Variants in RINT1 observed in about 807,000 individuals in gnomAD.
RINT1 encodes the protein RAD50 interactor 1.
Under a neutral mutation model 97.7 loss-of-function variants are expected in RINT1, and 75 were observed. The observed-to-expected ratio is 0.77, with a 90% CI of 0.64 to 0.93. The LOEUF (loss-of-function observed/expected upper bound fraction) is 0.93, where lower values mean the gene tolerates loss of function less well. RINT1 is among the 40% of genes least tolerant of loss of function. The probability of loss-of-function intolerance (pLI) is 0.00; values close to 1 mark genes in which losing one functional copy is unlikely to be tolerated. For synonymous variants in RINT1, 303 were observed against 326.3 expected (o/e 0.93, Z 0.77); for missense variants, 892 against 925.2 (o/e 0.96, Z 0.47).
At chr7:105,550,951 C>T (rs1009402662) in intron 9 of RINT1, among the ~76,000 whole-genome samples, 1 of 152,148 alleles carries the variant, frequency 6.6e-6, no homozygotes, top group Non-Finnish European at 1.5e-5. Context: ...GACAGGGTTA[C>T]AACATGTTGG....
intron 6 of RINT1, among the ~76,000 whole-genome samples, chr7:105,547,651 ATACTTGAATTTT>A (rs1431996062): frequency 6.6e-6 from 1 of 151,500 alleles, no homozygotes; most frequent in Non-Finnish European, 1.5e-5. Flanking sequence ...TAATCAAATG[ATACTTGAATTTT>A]TTTTGTTACT....
rs558738968 is a variant in RINT1, at chr7:105,555,346, G to T, written c.1671+119G>T. On this transcript the variant is annotated intron_variant, in intron 11 of 14. Transcript: ENST00000257700. The stretch of plus-strand genomic sequence containing the variant: ...TAAACATGCTAGACAGAACCATAGT[G>T]CCATAATTAAAAGGTGTAATTAAAA... 2.9e-5 allele frequency: 21 copies of T among 733,558 alleles called. No homozygotes were observed. In the Admixed American group the frequency reaches 3.7e-4, roughly 13 times the overall value. The allele number at this position is 733,558 out of a possible 1,614,324, so 45.4% of individuals were successfully genotyped here. A position where few individuals can be genotyped will look rare whatever the true frequency, so the allele number is the denominator to read the frequency against.
At chr7:105,560,146 T>C (rs1586259449) in intron 11 of RINT1, among the ~76,000 whole-genome samples, 1 of 152,164 alleles carries the variant, frequency 6.6e-6, no homozygotes, top group South Asian at 2.1e-4. Context: ...TGGCCACAGG[T>C]GGTTCCAGGC....
chr7:105,560,070 G>A (rs1460364561), intron 11 of RINT1, among the ~76,000 whole-genome samples: 1 of 152,188 alleles, frequency 6.6e-6, no homozygotes, highest in East Asian at 1.9e-4. Context: ...CTTTCTAAAA[G>A]GATTAGGCAT....
At chr7:105,548,022 T>C (rs1049450873) in intron 6 of RINT1, among the ~76,000 whole-genome samples, 3 of 151,774 alleles carry the variant, frequency 2.0e-5, no homozygotes, top group African/African-American at 7.3e-5. Context: ...CCACTGCACC[T>C]GGCTCATTTT....
At chr7:105,539,848 A>G (rs1386644252) in intron 3 of RINT1, among the ~76,000 whole-genome samples, 3 of 152,284 alleles carry the variant, frequency 2.0e-5, no homozygotes, top group African/African-American at 7.2e-5. Context: ...CATTAATCCC[A>G]CTGTTGAAAT....
intron 11 of RINT1, among the ~76,000 whole-genome samples, chr7:105,559,366 C>A (rs1230230657): frequency 6.6e-6 from 1 of 151,896 alleles, no homozygotes; most frequent in East Asian, 1.9e-4. Context: ...GATGGTGAAA[C>A]CCCATCTCTA....
At position 105,565,304 on chromosome 7, in the gene RINT1, G is replaced by C. The variant is rs1791659155; in HGVS notation, c.1914G>C (p.Glu638Asp). 2 of 1,612,268 alleles carry C rather than the reference G, an allele frequency of 1.2e-6. No individual in the cohort carries two copies. The highest frequency in any genetic ancestry group is 2.7e-5 in the African/African-American group (2 of 74,912). ...GGTTGTCCTTGCCATCTCAGTCAGA[G>C]CAGGCAGTGATGTCCCTGTCCAGTT... ...ERWLSLPSQSEQAVMSLSSSA... is the reference protein window; with the variant it reads ...ERWLSLPSQSDQAVMSLSSSA... Residue 638 changes from glutamate (E) to aspartate (D), a missense_variant, in exon 13 of 15, where the codon GAG becomes GAC. Glu to Asp is a conservative substitution (Grantham distance 45). Transcript: ENST00000257700.
intron 7 of RINT1, among the ~76,000 whole-genome samples, 188 bp from the exon 8 acceptor site, chr7:105,549,867 A>G (rs1307739607): frequency 6.6e-6 from 1 of 152,206 alleles, no homozygotes; most frequent in African/African-American, 2.4e-5. Context: ...TTGGGAGTAC[A>G]TTAGCAAACA....
chr7:105,548,699 G>T lies in RINT1; in HGVS notation c.985G>T (p.Val329Leu). ...YHFRGNRQTNVLSKPEWYLAQ... is the reference protein window; with the variant it reads ...YHFRGNRQTNLLSKPEWYLAQ... The stretch of plus-strand genomic sequence containing the variant: ...CTTCAGAGGGAACCGGCAGACTAAT[G>T]TGTTAAGCAAGGTGTGTTTTGCCAG... Residue 329 changes from valine to leucine, a missense_variant, in exon 7 of 15, where the codon GTG becomes TTG. Coordinates refer to ENST00000257700, the MANE Select transcript of RINT1 (RefSeq NM_021930.6). The T allele has an allele frequency of 6.2e-7, 1 of 1,610,388 alleles. No individual in the cohort carries two copies. Among genetic ancestry groups the T allele is most frequent in the South Asian group, 1.1e-5 (1 of 90,526 alleles).
At chr7:105,565,037 G>A in intron 12 of RINT1, 1 of 379,608 alleles carries the variant, frequency 2.6e-6, no homozygotes, top group Non-Finnish European at 4.7e-6. Flanking sequence ...CCTTATATCA[G>A]TAATTCACAT....
intron 14 of RINT1, chr7:105,566,860 A>G (rs1301811197): frequency 4.2e-6 from 1 of 238,842 alleles, no homozygotes; most frequent in Non-Finnish European, 7.9e-6. Context: ...TAGTGTTAAT[A>G]TTAAGTATTG....
At position 105,565,407 on chromosome 7, in the gene RINT1, AT is replaced by A. The variant is rs2133477788; in HGVS notation, c.2021del (p.Phe674SerfsTer6). ...GCAGCTTTGTTTCTCCTTATTTAAA[AT>A]TTTCTGGCAAATGCTTGTAGAGAAG... is the stretch of plus-strand genomic sequence containing the variant. ...EQQLCFSLFK[I>X]FWQMLVEKLD... On this transcript the variant is annotated frameshift_variant, in exon 13 of 15. Coordinates refer to ENST00000257700, the MANE Select transcript of RINT1 (RefSeq NM_021930.6). LOFTEE classifies it high-confidence loss of function. 6.2e-7 allele frequency: 1 copy of A among 1,614,162 alleles called. No homozygotes were observed. The highest frequency in any genetic ancestry group is 1.1e-5 in the South Asian group (1 of 91,090).
At chr7:105,547,800 T>C (rs1790738012) in intron 6 of RINT1, among the ~76,000 whole-genome samples, 1 of 148,710 alleles carries the variant, frequency 6.7e-6, no homozygotes, top group South Asian at 2.2e-4. Flanking sequence ...TGATCTCGGC[T>C]CACCACAGCC....
At chr7:105,547,535 G>A (rs1416422072) in intron 6 of RINT1, among the ~76,000 whole-genome samples, 2 of 152,134 alleles carry the variant, frequency 1.3e-5, no homozygotes. Context: ...GTAAGGAAGA[G>A]TTCCGGGATA....
intron 9 of RINT1, among the ~76,000 whole-genome samples, chr7:105,551,231 G>A (rs1790911526): frequency 6.6e-6 from 1 of 151,724 alleles, no homozygotes; most frequent in Non-Finnish European, 1.5e-5. Context: ...GGTTTCCCTG[G>A]GGTTTTGCCC....
intron 1 of RINT1, 79 bp downstream of exon 1, chr7:105,532,436 C>T (rs1586209810): frequency 6.8e-7 from 1 of 1,466,826 alleles, no homozygotes; most frequent in Non-Finnish European, 9.3e-7. Flanking sequence ...GGAGATAGTC[C>T]CGGTGCGGTG....
At chr7:105,539,749 C>G (rs1451243313) in intron 3 of RINT1, among the ~76,000 whole-genome samples, 1 of 152,156 alleles carries the variant, frequency 6.6e-6, no homozygotes, top group African/African-American at 2.4e-5. Flanking sequence ...AGTCTTACTT[C>G]AGACTTACTG....
At chr7:105,536,873 G>GT (rs1790258024) in intron 3 of RINT1, 124 bp downstream of exon 3, 2 of 463,600 alleles carry the variant, frequency 4.3e-6, no homozygotes, top group Non-Finnish European at 6.7e-6. Context: ...ATTATATACT[G>GT]TTTAAGAGGA....
Sources: gnomAD v4.1 joint callset for allele counts (sites outside exome capture counted in the v4.1 genomes callset) on GRCh38, gnomAD v4.1.1 for gene constraint, MANE v1.5 for transcripts, NCBI Gene and HGNC (gene_info 2026-07-23, HGNC 2026-07-21) for gene names.